The following ROR1 variants were observed in gnomAD, a reference collection of about 807,000 sequenced individuals.
ROR1 encodes the protein inactive tyrosine-protein kinase transmembrane receptor ROR1.
A neutral mutation model predicts 78.8 loss-of-function variants in ROR1; 19 were observed. The ratio of observed to expected loss-of-function variants is 0.24; its 90% CI spans 0.17 to 0.35. The LOEUF is 0.35. ROR1 is among the 10% of genes least tolerant of loss of function. The probability of loss-of-function intolerance (pLI) is 1.00; values close to 1 mark genes in which losing one functional copy is unlikely to be tolerated. For missense variants in ROR1, 917 were observed against 1,177.8 expected, an observed-to-expected ratio of 0.78 and a Z score of 3.24; for synonymous variants, 386 against 433.6, an observed-to-expected ratio of 0.89 and a Z score of 1.36.
At chr1:63,987,331 C>G (rs889545530) in intron 1 of ROR1, among the ~76,000 whole-genome samples, 1 of 152,184 alleles carries the variant, frequency 6.6e-6, no homozygotes, top group Non-Finnish European at 1.5e-5. Flanking sequence ...TCATGCCTGA[C>G]CCATAAGCAC....
In ROR1 at chr1:64,178,008, T is replaced by C; in HGVS notation, c.1967T>C (p.Ile656Thr). The C allele has an allele frequency of 6.2e-7, 1 of 1,614,210 alleles. No homozygotes were observed. The highest frequency in any genetic ancestry group is 8.5e-7 in the Non-Finnish European group (1 of 1,180,034). Residue 656 changes from isoleucine to threonine, a missense_variant, in exon 9 of 9, where the codon ATT becomes ACT. Physicochemically the swap from Ile to Thr is moderately conservative, Grantham distance 89. This residue lies in a region of ROR1 where 835 missense variants were observed against 1,069.8 expected (regional missense o/e 0.78). Coordinates refer to ENST00000371079, the MANE Select transcript of ROR1 (RefSeq NM_005012.4). This position sits in a 1 kb window ranked among gnomAD's most constrained non-coding sequence, Gnocchi z 4.3. ...YRVQSKSLLPIRWMPPEAIMY... is the reference protein window; with the variant it reads ...YRVQSKSLLPTRWMPPEAIMY... ...GTCCAGAGTAAGTCCTTGCTGCCCA[T>C]TCGCTGGATGCCCCCTGAAGCCATC... is the stretch of plus-strand genomic sequence containing the variant.
chr1:64,079,420 G>A (rs566943873), intron 4 of ROR1, among the ~76,000 whole-genome samples: 1 of 151,670 alleles, frequency 6.6e-6, no homozygotes, highest in Admixed American at 6.6e-5. Context: ...AGCCAATTTT[G>A]GCATTCTTGC....
chr1:64,014,738 C>CTATATATAT (rs1456430703), intron 2 of ROR1, among the ~76,000 whole-genome samples: 2 of 9,080 alleles, frequency 2.2e-4, no homozygotes, highest in African/African-American at 5.2e-4. Context: ...CACATACGCA[C>CTATATATAT]ACTATATATA....
intron 1 of ROR1, among the ~76,000 whole-genome samples, chr1:63,965,809 G>A (rs1445856694): frequency 6.6e-6 from 1 of 152,168 alleles, no homozygotes; most frequent in Non-Finnish European, 1.5e-5. Flanking sequence ...ACAAAGTAAC[G>A]AACAAGCTTG....
chr1:64,125,729 T>C (rs1648689873), intron 4 of ROR1, among the ~76,000 whole-genome samples: 1 of 152,182 alleles, frequency 6.6e-6, no homozygotes, highest in Non-Finnish European at 1.5e-5. Flanking sequence ...GGATGGAACT[T>C]GCCTTGTTCC....
At chr1:64,033,528 A>G (rs902284692) in intron 2 of ROR1, among the ~76,000 whole-genome samples, 1 of 152,184 alleles carries the variant, frequency 6.6e-6, no homozygotes, top group East Asian at 1.9e-4. Context: ...AAAAGAGACT[A>G]ACACATTTTA....
intron 4 of ROR1, among the ~76,000 whole-genome samples, chr1:64,077,838 C>A (rs958951428): frequency 2.6e-5 from 4 of 152,232 alleles, no homozygotes; most frequent in Admixed American, 1.3e-4. Flanking sequence ...CATGTCCTTG[C>A]TAATTACAAT....
intron 4 of ROR1, among the ~76,000 whole-genome samples, chr1:64,097,755 C>G (rs1364706430): frequency 2.6e-5 from 4 of 152,006 alleles, no homozygotes; most frequent in Non-Finnish European, 4.4e-5. Flanking sequence ...TTTCCAAACC[C>G]AGTGTTCTCA....
chr1:64,044,977 A>T (rs1230179814), intron 2 of ROR1, among the ~76,000 whole-genome samples: 2 of 152,210 alleles, frequency 1.3e-5, no homozygotes, highest in African/African-American at 4.8e-5. Context: ...TCAGTAAACC[A>T]GTGTTCTCTA....
chr1:63,864,277 A>G (rs1036285862), intron 1 of ROR1, among the ~76,000 whole-genome samples: 5 of 152,156 alleles, frequency 3.3e-5, no homozygotes, highest in African/African-American at 1.2e-4. Context: ...GCCTAAATGA[A>G]AGCTGCTCAC....
intron 4 of ROR1, among the ~76,000 whole-genome samples, chr1:64,065,848 C>A (rs6676050): frequency 0.16 from 23,719 of 152,210 alleles, 2,751 homozygotes; most frequent in African/African-American, 0.33. Context: ...AAATACATTT[C>A]ATAGTGATTG....
intron 1 of ROR1, among the ~76,000 whole-genome samples, chr1:63,981,691 G>A (rs1157500670): frequency 2.0e-5 from 3 of 152,114 alleles, no homozygotes; most frequent in Non-Finnish European, 2.9e-5. Context: ...GTAGGAGGAT[G>A]TGTTGGGAAG....
chr1:63,976,057 C>T (rs1305259334), intron 1 of ROR1, among the ~76,000 whole-genome samples: 2 of 152,168 alleles, frequency 1.3e-5, no homozygotes, highest in Non-Finnish European at 2.9e-5. Flanking sequence ...CTTTTGCCCT[C>T]AAGGAATTTA....
intron 1 of ROR1, among the ~76,000 whole-genome samples, chr1:63,845,010 C>G (rs1232369726): frequency 6.6e-6 from 1 of 152,110 alleles, no homozygotes; most frequent in African/African-American, 2.4e-5. Flanking sequence ...AATCACTCTC[C>G]TTGAATTCAT....
At chr1:64,048,998 A>G (rs1646807065) in intron 2 of ROR1, among the ~76,000 whole-genome samples, 1 of 152,224 alleles carries the variant, frequency 6.6e-6, no homozygotes, top group African/African-American at 2.4e-5. Context: ...TACTCATAGA[A>G]CTGTATAACT....
chr1:63,975,993 G>A (rs1224193530), intron 1 of ROR1, among the ~76,000 whole-genome samples: 1 of 152,098 alleles, frequency 6.6e-6, no homozygotes, highest in East Asian at 1.9e-4. Flanking sequence ...AGTGCTGTGG[G>A]GAATTTGAAA....
intron 1 of ROR1, among the ~76,000 whole-genome samples, chr1:63,991,093 GTTTGTTTTTTGTTTTGTTTTGT>G (rs1646292367): frequency 9.1e-6 from 1 of 109,834 alleles, no homozygotes; most frequent in Non-Finnish European, 2.1e-5. Flanking sequence ...TTTTTTGTTT[GTTTGTTTTTTGTTTTGTTTTGT>G]TTTGTTTTGC....
At chr1:63,997,337 A>G (rs1431126431) in intron 1 of ROR1, among the ~76,000 whole-genome samples, 1 of 152,222 alleles carries the variant, frequency 6.6e-6, no homozygotes, top group Non-Finnish European at 1.5e-5. Flanking sequence ...TTTCTATGTA[A>G]AAGTATAGTT....
chr1:63,905,189 C>T (rs138677298), intron 1 of ROR1, among the ~76,000 whole-genome samples: 1 of 152,148 alleles, frequency 6.6e-6, no homozygotes, highest in East Asian at 1.9e-4. Context: ...AATTGCCTAA[C>T]CTTCTGGATT....
Sources: allele counts gnomAD v4.1 joint callset (sites outside exome capture counted in the v4.1 genomes callset), GRCh38; gene constraint gnomAD v4.1.1; regional missense constraint gnomAD v4.1.1; non-coding constraint Gnocchi (gnomAD v3.1); transcripts MANE v1.5; gene names NCBI Gene and HGNC (gene_info 2026-07-23, HGNC 2026-07-21).